PPRC1: variants seen among roughly 807,000 people sequenced by gnomAD.
PPRC1 encodes the protein PPARG related coactivator 1, also known as peroxisome proliferator-activated receptor gamma coactivator-related protein 1.
A neutral mutation model predicts 132.5 loss-of-function variants in PPRC1; 23 were observed. That is an observed-to-expected ratio of 0.17 (90% CI 0.12 to 0.25). The LOEUF is 0.25. Ranked by LOEUF, PPRC1 falls within the 10% of genes least tolerant of loss-of-function variation. The pLI, the probability that PPRC1 is intolerant of heterozygous loss-of-function variation, is 1.00. For missense variants in PPRC1, 2,006 were observed against 2,089.1 expected (o/e 0.96, Z 0.78); for synonymous variants, 872 against 833.5 (o/e 1.05, Z -0.80).
In PPRC1 at chr10:102,141,405, C is replaced by A. The variant is rs752210076; in HGVS notation, c.2897C>A (p.Pro966His). ...PPTCSVPWAP[P>H]PAPVSPYSST... ...ACTTGCAGTGTGCCTTGGGCACCCCCTCCTGCCCCAGTCTCACCTTACAGT... is the reference window on the plus strand; with the variant it reads ...ACTTGCAGTGTGCCTTGGGCACCCCATCCTGCCCCAGTCTCACCTTACAGT... The change falls in exon 5 of 14, where the codon CCT (proline) becomes CAT (histidine). Residue 966 changes from proline to histidine, a missense_variant. Coordinates refer to ENST00000278070, the MANE Select transcript of PPRC1 (RefSeq NM_015062.5). 5 of 1,614,014 alleles carry A rather than the reference C, an allele frequency of 3.1e-6. No individual in the cohort carries two copies. Among genetic ancestry groups the A allele is most frequent in the South Asian group, 1.1e-5 (1 of 91,088 alleles).
Position 102,138,996 on chromosome 10 carries a change from AG to A in PPRC1, c.591+19del, listed in dbSNP as rs1188036439. The A allele has an allele frequency of 6.2e-7, 1 of 1,609,736 alleles. No homozygotes were observed. Among genetic ancestry groups the A allele is most frequent in the Non-Finnish European group, 8.5e-7 (1 of 1,176,038 alleles). ...AGGGAGTGGGGTAAGCCTGACCTAG[AG>A]GGTTTCAGAAACTCCCAGGTGGGAG... is the stretch of plus-strand genomic sequence containing the variant. On this transcript the variant is annotated intron_variant, in intron 4 of 13. Transcript: ENST00000278070.
In PPRC1 at chr10:102,149,245, A is replaced by G; in HGVS notation, c.4807A>G (p.Lys1603Glu). 6.2e-7 allele frequency: 1 copy of G among 1,612,320 alleles called. No homozygotes were observed. Among genetic ancestry groups the G allele is most frequent in the South Asian group, 1.1e-5 (1 of 90,890 alleles). The change falls in exon 13 of 14, where the codon AAG becomes GAG. Residue 1603 changes from lysine to glutamate, a missense_variant. By Grantham distance (56) the Lys-to-Glu change is moderately conservative (BLOSUM62 1). Around this residue, in one of 2 missense-constraint regions of PPRC1, gnomAD observed 92 missense variants for 171.9 expected, o/e 0.54. Coordinates refer to ENST00000278070, the MANE Select transcript of PPRC1 (RefSeq NM_015062.5). ...EAFAAIESGHKLRQADEQPFD... is the reference protein window; with the variant it reads ...EAFAAIESGHELRQADEQPFD... ...ATTTGCAGCCATTGAGAGTGGCCAC[A>G]AGCTGCGGCAGGCAGATGAGCAGCC...
chr10:102,144,139 A>G, intron 6 of PPRC1, 111 bp from the exon 7 acceptor site: 1 of 987,238 alleles, frequency 1.0e-6, no homozygotes, highest in Admixed American at 1.7e-5. Flanking sequence ...CCCAACAGGG[A>G]ATATGTAGGC....
intron 2 of PPRC1, 114 bp downstream of exon 2, chr10:102,138,152 C>G (rs1229789021): frequency 2.7e-6 from 3 of 1,096,462 alleles, no homozygotes; most frequent in Non-Finnish European, 3.9e-6. Context: ...TCCTGGGTGC[C>G]CAACCTGAAT....
rs1355562680 is a variant in PPRC1, at chr10:102,140,584, T to A, written c.2076T>A (p.Asp692Glu). The change falls in exon 5 of 14, where the codon GAT (aspartate) becomes GAA (glutamate). Residue 692 changes from aspartate (D) to glutamate (E), a missense_variant. Asp to Glu is a conservative substitution (Grantham distance 45, BLOSUM62 2). Coordinates refer to ENST00000278070, the MANE Select transcript of PPRC1 (RefSeq NM_015062.5). The stretch of plus-strand genomic sequence containing the variant: ...TGCTAGTTAAGTCCAGACCAACTGA[T>A]CCCAGACGTGGTGCAGTGTCATCAG... Reference protein sequence around the residue: ...DPVLVKSRPTDPRRGAVSSAL... With the variant: ...DPVLVKSRPTEPRRGAVSSAL... The A allele has an allele frequency of 1.9e-6, 3 of 1,613,930 alleles. No homozygotes were observed. Among genetic ancestry groups the A allele is most frequent in the Non-Finnish European group, 2.5e-6 (3 of 1,180,002 alleles).
At position 102,141,911 on chromosome 10, in the gene PPRC1, G is replaced by C. The variant is rs776141088; in HGVS notation, c.3403G>C (p.Val1135Leu). Residue 1135 changes from valine to leucine, a missense_variant, in exon 5 of 14, where the codon GTC (valine) becomes CTC (leucine). Physicochemically the swap from Val to Leu is conservative, Grantham distance 32. Around this residue, in one of 2 missense-constraint regions of PPRC1, gnomAD observed 1,914 missense variants for 1,917.2 expected, o/e 1.00. Coordinates refer to ENST00000278070, the MANE Select transcript of PPRC1 (RefSeq NM_015062.5). ...GAGCACTGTCCCCAAGCTGCCTGCTGTCCACCCAGCCCGTCTAAGGAAGCT... is the reference window on the plus strand; with the variant it reads ...GAGCACTGTCCCCAAGCTGCCTGCTCTCCACCCAGCCCGTCTAAGGAAGCT... ...RQSTVPKLPAVHPARLRKLSF... is the reference protein window; with the variant it reads ...RQSTVPKLPALHPARLRKLSF... 12 of 1,614,156 alleles carry C rather than the reference G, an allele frequency of 7.4e-6. No individual in the cohort carries two copies. The highest frequency in any genetic ancestry group is 2.2e-5 in the East Asian group (1 of 44,882).
Position 102,140,490 on chromosome 10 carries a change from C to T in PPRC1, c.1982C>T (p.Ser661Phe), listed in dbSNP as rs1330936689. ...TTGCCACCAGTTGATGCTGTCCCGTCTGGCCCAGCACCAGTTGATCTAGCA... is the reference window on the plus strand; with the variant it reads ...TTGCCACCAGTTGATGCTGTCCCGTTTGGCCCAGCACCAGTTGATCTAGCA... ...DNLPPVDAVP[S>F]GPAPVDLALV... The change falls in exon 5 of 14, where the codon TCT becomes TTT. Residue 661 changes from serine to phenylalanine, a missense_variant. By Grantham distance (155) the Ser-to-Phe change is radical (BLOSUM62 -2). Around this residue, in one of 2 missense-constraint regions of PPRC1, gnomAD observed 1,914 missense variants for 1,917.2 expected, o/e 1.00. Transcript: ENST00000278070. 6.2e-7 allele frequency: 1 copy of T among 1,614,188 alleles called. No individual in the cohort carries two copies. The highest frequency in any genetic ancestry group is 1.7e-5 in the Admixed American group (1 of 60,030).
rs755185240 is a variant in PPRC1 at position 102,138,725 on chromosome 10, C to T, written c.449C>T (p.Pro150Leu). Residue 150 changes from proline to leucine, a missense_variant, in exon 3 of 14, where the codon CCT becomes CTT. Physicochemically the swap from Pro to Leu is moderately conservative, Grantham distance 98. Around this residue, in one of 2 missense-constraint regions of PPRC1, gnomAD observed 1,914 missense variants for 1,917.2 expected, o/e 1.00. Coordinates refer to ENST00000278070, the MANE Select transcript of PPRC1 (RefSeq NM_015062.5). Reference sequence around the variant, plus strand: ...AACCTTTCTCCATTTGACAGCATTCCTGATTCGGAGCTGCTTGTGTCACCC... The same window carrying T: ...AACCTTTCTCCATTTGACAGCATTCTTGATTCGGAGCTGCTTGTGTCACCC... ...SENLSPFDSI[P>L]DSELLVSPRE... 1 of 1,614,222 alleles carries T rather than the reference C, an allele frequency of 6.2e-7. No individual in the cohort carries two copies. The highest frequency in any genetic ancestry group is 1.7e-5 in the Admixed American group (1 of 60,024).
chr10:102,123,833 C>CTTTTTTTT, the PPRC1 span, among the ~76,000 whole-genome samples: 12 of 68,302 alleles, frequency 1.8e-4, no homozygotes, highest in Non-Finnish European at 2.2e-4. Flanking sequence ...CACGCCCGGC[C>CTTTTTTTT]TTTTTTTTTT....
the PPRC1 span, among the ~76,000 whole-genome samples, chr10:102,127,029 A>T: frequency 4.4e-3 from 133 of 30,032 alleles, 6 homozygotes; most frequent in African/African-American, 6.5e-3. Context: ...TCATATATAT[A>T]TATATATATA....
At chr10:102,134,186 A>G (rs1310475575) in intron 1 of PPRC1, among the ~76,000 whole-genome samples, 1 of 152,060 alleles carries the variant, frequency 6.6e-6, no homozygotes, top group Non-Finnish European at 1.5e-5. Flanking sequence ...GGGAAAGGGA[A>G]TCCTCTCCTC....
rs61731871 is a variant in PPRC1, at chr10:102,140,972, G to A, written c.2464G>A (p.Val822Ile). Residue 822 changes from valine (V) to isoleucine (I), a missense_variant, in exon 5 of 14, where the codon GTA (valine) becomes ATA (isoleucine). By Grantham distance (29) the Val-to-Ile change is conservative. Around this residue, in one of 2 missense-constraint regions of PPRC1, gnomAD observed 1,914 missense variants for 1,917.2 expected, o/e 1.00. Transcript: ENST00000278070. Reference protein sequence around the residue: ...ETPLEICLVPVGPSPASPSPE... With the variant: ...ETPLEICLVPIGPSPASPSPE... ...ACCCCTTGAGATTTGCCTTGTGCCT[G>A]TAGGTCCCAGCCCTGCTTCTCCTAG... 0.058 allele frequency: 93,772 copies of A among 1,613,884 alleles called. 3,610 individuals are homozygous for A. The highest frequency in any genetic ancestry group is 0.18 in the African/African-American group (13,504 of 74,968).
Position 102,148,371 on chromosome 10 carries a change from G to T in PPRC1, c.4401-1G>T, listed in dbSNP as rs1486857585. On this transcript the variant is annotated splice_acceptor_variant, in intron 9 of 13. Transcript: ENST00000278070. LOFTEE classifies it high-confidence loss of function. This position sits in a 1 kb window ranked among gnomAD's most constrained non-coding sequence, Gnocchi z 4.2. Reference sequence around the variant, plus strand: ...TTCCTGCATGCCCTCTTATCCTTCAGGTCCAGCTGTAGTTCCTCTGGACGT... The same window carrying T: ...TTCCTGCATGCCCTCTTATCCTTCATGTCCAGCTGTAGTTCCTCTGGACGT... 2 of 1,612,752 alleles carry T rather than the reference G, an allele frequency of 1.2e-6. No individual in the cohort carries two copies. The highest frequency in any genetic ancestry group is 2.2e-5 in the South Asian group (2 of 91,002).
In PPRC1 at chr10:102,148,258, C is replaced by A; in HGVS notation, c.4401-114C>A. On this transcript the variant is annotated intron_variant, in intron 9 of 13. Coordinates refer to ENST00000278070, the MANE Select transcript of PPRC1 (RefSeq NM_015062.5). This position sits in a 1 kb window ranked among gnomAD's most constrained non-coding sequence, Gnocchi z 4.2. The stretch of plus-strand genomic sequence containing the variant: ...GTTCTTCTAGACCTCTTCTACTCTG[C>A]TTTGTCTTTGGTCCTGAGCTTCCTA... 7.9e-7 allele frequency: 1 copy of A among 1,263,572 alleles called. No individual in the cohort carries two copies. The highest frequency in any genetic ancestry group is 1.1e-6 in the Non-Finnish European group (1 of 905,878). The allele number at this position is 1,263,572 out of a possible 1,614,324, so 78.3% of individuals were successfully genotyped here.
Position 102,150,126 on chromosome 10 carries a change from T to C in PPRC1, c.*97T>C. The C allele has an allele frequency of 1.2e-6, 1 of 806,626 alleles. No individual in the cohort carries two copies. The highest frequency in any genetic ancestry group is 2.0e-6 in the Non-Finnish European group (1 of 493,420). 50.0% of individuals were successfully genotyped at this position (806,626 alleles called of 1,614,324 possible). On this transcript the variant is annotated 3_prime_UTR_variant, in exon 14 of 14. Coordinates refer to ENST00000278070, the MANE Select transcript of PPRC1 (RefSeq NM_015062.5). ...CTAGGGGAGAGAGCTGCTAGTGAGATGACTGTTTTATAAAGAAATGGAAAA... is the reference window on the plus strand; with the variant it reads ...CTAGGGGAGAGAGCTGCTAGTGAGACGACTGTTTTATAAAGAAATGGAAAA...
chr10:102,148,408 C>T lies in PPRC1; in HGVS notation c.4437C>T (p.Cys1479=), dbSNP rs769451168. The change falls in exon 10 of 14, where the codon TGC becomes TGT. Residue 1479 remains cysteine, a synonymous_variant. Transcript: ENST00000278070. The surrounding 1 kb of genome is among the most constrained non-coding windows in gnomAD (Gnocchi z 4.2). ...GTTCCTCTGGACGTTCTCGAAGATG[C>T]TCTTCCTCTTCTTCGTCATCATCTT... The part of the protein sequence containing the change: ...SCSSSGRSRR[C]SSSSSSSSSS... 2 of 1,612,604 alleles carry T rather than the reference C, an allele frequency of 1.2e-6. No individual in the cohort carries two copies. Among genetic ancestry groups the T allele is most frequent in the East Asian group, 2.2e-5 (1 of 44,874 alleles).
chr10:102,150,086 C>A lies in PPRC1; in HGVS notation c.*57C>A. On this transcript the variant is annotated 3_prime_UTR_variant, in exon 14 of 14. Coordinates refer to ENST00000278070, the MANE Select transcript of PPRC1 (RefSeq NM_015062.5). ...CTTTGGAGGTGCCCAACCTCCTCCA[C>A]CCCCTTCCCCTACTCTAGGGGAGAG... 6 of 1,293,270 alleles carry A rather than the reference C, an allele frequency of 4.6e-6. No individual in the cohort carries two copies. The highest frequency in any genetic ancestry group is 6.8e-6 in the Non-Finnish European group (6 of 888,836). The allele number at this position is 1,293,270 out of a possible 1,614,324, so 80.1% of individuals were successfully genotyped here. A position where few individuals can be genotyped will look rare whatever the true frequency, so the allele number is the denominator to read the frequency against.
At chr10:102,145,215 TCA>T (rs1194316226) in intron 8 of PPRC1, 125 bp downstream of exon 8, 3 of 907,452 alleles carry the variant, frequency 3.3e-6, no homozygotes, top group Non-Finnish European at 5.0e-6. Flanking sequence ...CTTGAGATAC[TCA>T]CAGTCTAGGG....
chr10:102,124,810 C>CT, the PPRC1 span, among the ~76,000 whole-genome samples: 1 of 151,124 alleles, frequency 6.6e-6, no homozygotes, highest in African/African-American at 2.4e-5. Flanking sequence ...GTCCAACTAA[C>CT]TTTTTTATTT....
Sources: gnomAD v4.1 joint callset for allele counts (sites outside exome capture counted in the v4.1 genomes callset) on GRCh38, gnomAD v4.1.1 for gene constraint, gnomAD v4.1.1 regional missense constraint, Gnocchi (gnomAD v3.1) non-coding constraint, MANE v1.5 for transcripts, NCBI Gene and HGNC (gene_info 2026-07-23, HGNC 2026-07-21) for gene names.